Variants in HDAC4 observed in about 807,000 individuals in gnomAD.
HDAC4 encodes the protein histone deacetylase 4, also known as histone deacetylase A.
HDAC4 carries 16 observed loss-of-function variants against 135.1 expected under a neutral mutation model. The ratio of observed to expected loss-of-function variants is 0.12; its 90% confidence interval spans 0.08 to 0.18. HDAC4 has a LOEUF of 0.18. HDAC4 is among the 10% of genes least tolerant of loss of function. The pLI, the probability that HDAC4 is intolerant of heterozygous loss-of-function variation, is 1.00. For missense variants in HDAC4, 1,143 were observed against 1,511.8 expected (o/e 0.76, Z 4.05); for synonymous variants, 685 against 653.4 (o/e 1.05, Z -0.74).
At chr2:239,144,215 G>A (rs1254647829) in intron 8 of HDAC4, among the ~76,000 whole-genome samples, 1 of 152,192 alleles carries the variant, frequency 6.6e-6, no homozygotes, top group East Asian at 1.9e-4. Context: ...GCGGAACAGG[G>A]CAGAGCATGC....
intron 12 of HDAC4, among the ~76,000 whole-genome samples, chr2:239,122,625 G>A (rs1248559531): frequency 6.6e-6 from 1 of 152,186 alleles, no homozygotes; most frequent in Admixed American, 6.5e-5. Flanking sequence ...GAGCCAGCTC[G>A]GGGTCGATCC....
chr2:239,313,317 CAGGGACTAATTTTAGAAGGGGCTTTGAGG>C lies in HDAC4; in HGVS notation c.22+39332_22+39360del, dbSNP rs1319827812. Among the ~76,000 whole-genome samples, 6 of 152,298 alleles carry C rather than the reference CAGGGACTAATTTTAGAAGGGGCTTTGAGG, an allele frequency of 3.9e-5. No individual in the cohort carries two copies. The East Asian group carries it at 1.2e-3, about 29-fold the overall frequency. Reference sequence around the variant, plus strand: ...CTGATGTAAATGTCCCTGCAGCAGCCAGGGACTAATTTTAGAAGGGGCTTTGAGGAGAAACCCAAGGGACACTCACTTGC... The same window carrying C: ...CTGATGTAAATGTCCCTGCAGCAGCCAGAAACCCAAGGGACACTCACTTGC... On this transcript the variant is annotated intron_variant, in intron 2 of 26. Transcript: ENST00000543185. This position sits in a 1 kb window ranked among gnomAD's most constrained non-coding sequence, Gnocchi z 5.1.
intron 24 of HDAC4, among the ~76,000 whole-genome samples, chr2:239,062,745 G>A (rs1259990311): frequency 6.6e-6 from 1 of 152,218 alleles, no homozygotes; most frequent in African/African-American, 2.4e-5. Flanking sequence ...ACAGCAGCCC[G>A]GTCTTTTATC....
intron 1 of HDAC4, among the ~76,000 whole-genome samples, chr2:239,391,616 G>C (rs1227623933): frequency 1.3e-5 from 2 of 152,216 alleles, no homozygotes; most frequent in Non-Finnish European, 2.9e-5. Context: ...GAGGTGATGG[G>C]GTCATGACAG....
intron 1 of HDAC4, among the ~76,000 whole-genome samples, chr2:239,375,553 G>A (rs35930806): frequency 2.3e-3 from 344 of 152,306 alleles, no homozygotes; most frequent in Admixed American, 3.9e-3. Flanking sequence ...GCCTCACAGC[G>A]TCCACAGGAT....
chr2:239,300,734 C>T (rs914844863), intron 2 of HDAC4, among the ~76,000 whole-genome samples: 5 of 152,230 alleles, frequency 3.3e-5, no homozygotes, highest in African/African-American at 7.2e-5. Context: ...TAAAAACACC[C>T]GAACTCCCCT....
chr2:239,085,433 G>T (rs184079914), intron 19 of HDAC4, among the ~76,000 whole-genome samples: 2 of 152,172 alleles, frequency 1.3e-5, no homozygotes, highest in Non-Finnish European at 2.9e-5. Flanking sequence ...AAGCCCACAC[G>T]CCCCAGGACA....
At chr2:239,319,089 A>C (rs1311218671) in intron 2 of HDAC4, among the ~76,000 whole-genome samples, 1 of 152,240 alleles carries the variant, frequency 6.6e-6, no homozygotes, top group African/African-American at 2.4e-5. Flanking sequence ...TCTCAGACGA[A>C]CAAAAAACGG....
intron 2 of HDAC4, among the ~76,000 whole-genome samples, chr2:239,328,954 T>G (rs1691359884): frequency 1.3e-5 from 2 of 152,262 alleles, no homozygotes; most frequent in Admixed American, 6.5e-5. Flanking sequence ...GGAGGAATTC[T>G]TTTTAAGAAA....
intron 6 of HDAC4, among the ~76,000 whole-genome samples, chr2:239,161,127 T>G (rs918109218): frequency 6.6e-5 from 10 of 152,216 alleles, no homozygotes; most frequent in Admixed American, 5.2e-4. Flanking sequence ...GACCGTATTT[T>G]TAAGTGGGCG....
chr2:239,269,919 T>C (rs1321092855), intron 2 of HDAC4, among the ~76,000 whole-genome samples: 1 of 152,210 alleles, frequency 6.6e-6, no homozygotes, highest in Non-Finnish European at 1.5e-5. Context: ...ACTTTGTTAA[T>C]TGCACATTAT....
chr2:239,134,319 C>T lies in HDAC4; in HGVS notation c.1220G>A (p.Gly407Glu), dbSNP rs138016820. 1.3e-4 allele frequency: 207 copies of T among 1,613,686 alleles called. No individual in the cohort carries two copies. The highest frequency in any genetic ancestry group is 1.7e-4 in the Non-Finnish European group (203 of 1,180,028). The change falls in exon 11 of 27, where the codon GGG (glycine) becomes GAG (glutamate). Residue 407 changes from glycine to glutamate, a missense_variant. Physicochemically the swap from Gly to Glu is moderately conservative, Grantham distance 98 (BLOSUM62 -2). Around this residue, in one of 9 missense-constraint regions of HDAC4, gnomAD observed 272 missense variants for 309.7 expected, o/e 0.88. Transcript: ENST00000543185. ...CTGCAGAAGAGGGCTGTGCGCTGCC[C>T]CTCCGTCCCGCTCCAAGGGCGAGGT... ...LSTSPLERDGGAAHSPLLQHM... is the reference protein window; with the variant it reads ...LSTSPLERDGEAAHSPLLQHM...
Position 239,115,443 on chromosome 2 carries a change from A to G in HDAC4, c.1534-133T>C. On this transcript the variant is annotated intron_variant, in intron 12 of 26. Transcript: ENST00000543185. This position sits in a 1 kb window ranked among gnomAD's most constrained non-coding sequence, Gnocchi z 6.3. ...ACTCAGGGCACCTTATCACCCTGCC[A>G]CAGGCCAGCAGGCACCTTTATCTCC... The G allele has an allele frequency of 9.0e-7, 1 of 1,108,228 alleles. No homozygotes were observed. The highest frequency in any genetic ancestry group is 1.3e-6 in the Non-Finnish European group (1 of 768,278). The allele number at this position is 1,108,228 out of a possible 1,614,324, so 68.6% of individuals were successfully genotyped here. A position where few individuals can be genotyped will look rare whatever the true frequency, so the allele number is the denominator to read the frequency against.
chr2:239,159,989 T>C (rs113792001), intron 6 of HDAC4, among the ~76,000 whole-genome samples: 421 of 152,358 alleles, frequency 2.8e-3, no homozygotes, highest in Non-Finnish European at 5.3e-3. Flanking sequence ...GACTGTAGAA[T>C]AAAGCTTCAT....
Position 239,281,009 on chromosome 2 carries a change from T to G in HDAC4, c.23-44345A>C, listed in dbSNP as rs1314500244. Among the ~76,000 whole-genome samples the G allele has an allele frequency of 1.6e-5, 2 of 124,834 alleles. 1 individual carries two copies. The highest frequency in any genetic ancestry group is 3.4e-5 in the Non-Finnish European group (2 of 58,972). The allele number at this position is 124,834 out of a possible 152,430, so 81.9% of individuals were successfully genotyped here. A position where few individuals can be genotyped will look rare whatever the true frequency, so the allele number is the denominator to read the frequency against. On this transcript the variant is annotated intron_variant, in intron 2 of 26. Transcript: ENST00000543185. ...TCTACACACAATGTACACACCACTC[T>G]CAATGTACACACCACTCTCAATGTA...
At chr2:239,356,822 CATGAGT>C (rs1693518036) in intron 1 of HDAC4, among the ~76,000 whole-genome samples, 1 of 152,120 alleles carries the variant, frequency 6.6e-6, no homozygotes, top group Non-Finnish European at 1.5e-5. Flanking sequence ...TTTCAACAAT[CATGAGT>C]CTATACCGAG....
chr2:239,134,461 G>T lies in HDAC4; in HGVS notation c.1096-18C>A. The stretch of plus-strand genomic sequence containing the variant: ...GCCGTGCCCTGGAAAGCACAGCCAG[G>T]ATGCTCGGGTGGAAGGACCCATCAC... On this transcript the variant is annotated intron_variant, in intron 10 of 26. Transcript: ENST00000543185. The T allele has an allele frequency of 3.1e-6, 5 of 1,613,814 alleles. No individual in the cohort carries two copies. Among genetic ancestry groups the T allele is most frequent in the Non-Finnish European group, 4.2e-6 (5 of 1,179,926 alleles).
At chr2:239,334,555 T>C (rs1224883626) in intron 2 of HDAC4, among the ~76,000 whole-genome samples, 2 of 151,740 alleles carry the variant, frequency 1.3e-5, no homozygotes, top group East Asian at 1.9e-4. Flanking sequence ...AAGACCTCTA[T>C]ACTGAAAATT....
rs1211259312 is a variant in HDAC4, at chr2:239,245,185, A to C, written c.23-8521T>G. On this transcript the variant is annotated intron_variant, in intron 2 of 26. Coordinates refer to ENST00000543185, the MANE Select transcript of HDAC4 (RefSeq NM_001378414.1). This position sits in a 1 kb window ranked among gnomAD's most constrained non-coding sequence, Gnocchi z 4.4. ...GTCTTAAAATGTCAAGGATAACCTAAGAAGTATTCCTGTTGTCTCTCCACT... is the reference window on the plus strand; with the variant it reads ...GTCTTAAAATGTCAAGGATAACCTACGAAGTATTCCTGTTGTCTCTCCACT... 6.6e-6 allele frequency among the ~76,000 whole-genome samples: 1 copy of C among 152,228 alleles called. No individual in the cohort carries two copies. Among genetic ancestry groups the C allele is most frequent in the Non-Finnish European group, 1.5e-5 (1 of 68,042 alleles).
Sources: allele counts gnomAD v4.1 joint callset (sites outside exome capture counted in the v4.1 genomes callset), GRCh38; gene constraint gnomAD v4.1.1; regional missense constraint gnomAD v4.1.1; non-coding constraint Gnocchi (gnomAD v3.1); transcripts MANE v1.5; gene names NCBI Gene and HGNC (gene_info 2026-07-23, HGNC 2026-07-21).